CLEC4A: variants seen among roughly 807,000 people sequenced by gnomAD.
CLEC4A encodes the protein C-type lectin domain family 4 member A, also known as C-type (calcium dependent, carbohydrate-recognition domain) lectin, superfamily member 6.
Under a neutral mutation model 32.7 loss-of-function variants are expected in CLEC4A, and 27 were observed. The ratio of observed to expected loss-of-function variants is 0.83; its 90% CI spans 0.61 to 1.14. The LOEUF (loss-of-function observed/expected upper bound fraction) is 1.14, where lower values mean the gene tolerates loss of function less well. Among genes scored for constraint, CLEC4A ranks in the 50% most tolerant of loss-of-function variants. CLEC4A has a pLI of 0.00. For missense variants in CLEC4A, 253 were observed against 274.6 expected, an observed-to-expected ratio of 0.92 and a Z score of 0.55; for synonymous variants, 89 against 93.7, an observed-to-expected ratio of 0.95 and a Z score of 0.29.
At chr12:8,135,509 T>A in intron 3 of CLEC4A, 76 bp from the exon 4 acceptor site, 1 of 1,486,466 alleles carries the variant, frequency 6.7e-7, no homozygotes, top group Non-Finnish European at 9.2e-7. Flanking sequence ...CTCTCTTGGC[T>A]CTTAATTTTA....
chr12:8,103,050 C>T, the CLEC4A span, among the ~76,000 whole-genome samples: 1 of 152,074 alleles, frequency 6.6e-6, no homozygotes, highest in African/African-American at 2.4e-5. Context: ...TAGCTCAACT[C>T]CCCTTAATTA....
intron 5 of CLEC4A, 57 bp from the exon 6 acceptor site, chr12:8,138,083 T>A: frequency 6.4e-7 from 1 of 1,570,492 alleles, no homozygotes; most frequent in Non-Finnish European, 8.6e-7. Context: ...CCCCTGTCTC[T>A]AACCCTTTTC....
At chr12:8,117,059 G>T in the CLEC4A span, among the ~76,000 whole-genome samples, 1 of 152,046 alleles carries the variant, frequency 6.6e-6, no homozygotes, top group Non-Finnish European at 1.5e-5. Flanking sequence ...AAGCAATAAA[G>T]AATTCTTTTA....
At chr12:8,127,916 G>T (rs773024775) in intron 2 of CLEC4A, among the ~76,000 whole-genome samples, 1 of 152,264 alleles carries the variant, frequency 6.6e-6, no homozygotes, top group Admixed American at 6.5e-5. Flanking sequence ...TAAGTTTTGG[G>T]CATGTTGAGT....
At chr12:8,121,518 A>G, upstream of CLEC4A, 1 of 152,742 alleles carries the variant, frequency 6.5e-6, no homozygotes, top group East Asian at 1.9e-4. Context: ...GAGCTTTAGC[A>G]GGGTGAGAAG....
chr12:8,112,839 A>G, the CLEC4A span, among the ~76,000 whole-genome samples: 6 of 152,350 alleles, frequency 3.9e-5, no homozygotes, highest in Admixed American at 2.0e-4. Flanking sequence ...CATAGATAAT[A>G]TAAGTTGGTA....
intron 3 of CLEC4A, among the ~76,000 whole-genome samples, chr12:8,132,588 G>A (rs1948017436): frequency 6.6e-6 from 1 of 152,170 alleles, no homozygotes; most frequent in Non-Finnish European, 1.5e-5. Context: ...ATGTTCCAGA[G>A]GCACTGGAAA....
At chr12:8,118,204 T>G in the CLEC4A span, among the ~76,000 whole-genome samples, 1 of 152,234 alleles carries the variant, frequency 6.6e-6, no homozygotes, top group Non-Finnish European at 1.5e-5. Flanking sequence ...TGCATTCATC[T>G]GGGAGTAGAC....
At position 8,133,814 on chromosome 12, in the gene CLEC4A, G is replaced by T. The variant is rs1948041732; in HGVS notation, c.299-1771G>T. On this transcript the variant is annotated intron_variant, in intron 3 of 5. Transcript: ENST00000229332. Reference sequence around the variant, plus strand: ...AGAGCCCAGAGTGGTGACGGAGACAGGGGGAAAGGCTTCCCCCTCAGGGAA... The same window carrying T: ...AGAGCCCAGAGTGGTGACGGAGACATGGGGAAAGGCTTCCCCCTCAGGGAA... 7.6e-6 allele frequency: 12 copies of T among 1,586,304 alleles called. No homozygotes were observed. The Middle Eastern group carries it at 1.8e-3, about 243-fold the overall frequency.
At chr12:8,108,208 T>C in the CLEC4A span, among the ~76,000 whole-genome samples, 1 of 152,152 alleles carries the variant, frequency 6.6e-6, no homozygotes, top group Non-Finnish European at 1.5e-5. Flanking sequence ...GTGAAGAAAA[T>C]CTCATTTTTG....
intron 3 of CLEC4A, chr12:8,134,665 A>C: frequency 1.3e-6 from 2 of 1,587,950 alleles, no homozygotes; most frequent in African/African-American, 1.3e-5. Flanking sequence ...GGCGGGGGAC[A>C]TGGGGGAATC....
chr12:8,129,338 G>C lies in CLEC4A; in HGVS notation c.274G>C (p.Val92Leu). 1 of 1,608,180 alleles carries C rather than the reference G, an allele frequency of 6.2e-7. No homozygotes were observed. The highest frequency in any genetic ancestry group is 1.1e-5 in the South Asian group (1 of 89,866). Residue 92 changes from valine (V) to leucine (L), a missense_variant, in exon 3 of 6, where the codon GTG becomes CTG. Transcript: ENST00000229332. ...KELVHTTLEC[V>L]KKNMPVEETA... Reference sequence around the variant, plus strand: ...GCTGGTTCATACAACATTGGAGTGTGTGAAAAAAAATATGCCCGTGGAAGG... The same window carrying C: ...GCTGGTTCATACAACATTGGAGTGTCTGAAAAAAAATATGCCCGTGGAAGG...
At chr12:8,134,000 C>T in intron 3 of CLEC4A, 1 of 1,606,760 alleles carries the variant, frequency 6.2e-7, no homozygotes, top group Non-Finnish European at 8.5e-7. Flanking sequence ...TGATCGCTTG[C>T]CCTTCTGGCG....
rs796945122 is a variant in CLEC4A, at chr12:8,124,045, G to A, written c.82+85G>A. On this transcript the variant is annotated intron_variant, in intron 1 of 5. Coordinates refer to ENST00000229332, the MANE Select transcript of CLEC4A (RefSeq NM_016184.4). Reference sequence around the variant, plus strand: ...TATGAATAAGGCATAGGTGTTTTCAGTTGCTGGTTGTCTGATTGAGTATGT... The same window carrying A: ...TATGAATAAGGCATAGGTGTTTTCAATTGCTGGTTGTCTGATTGAGTATGT... 2.0e-5 allele frequency: 18 copies of A among 887,028 alleles called. No homozygotes were observed. The African/African-American group carries it at 3.0e-4, about 15-fold the overall frequency. 54.9% of individuals were successfully genotyped at this position (887,028 alleles called of 1,614,324 possible). A position where few individuals can be genotyped will look rare whatever the true frequency, so the allele number is the denominator to read the frequency against.
At chr12:8,136,652 G>T in intron 4 of CLEC4A, 136 bp from the exon 5 acceptor site, 1 of 554,980 alleles carries the variant, frequency 1.8e-6, no homozygotes, top group Non-Finnish European at 3.3e-6. Flanking sequence ...CTCAGCCAGA[G>T]ATCCCCATTC....
upstream of CLEC4A, chr12:8,121,166 T>G (rs1407955566): frequency 6.6e-6 from 1 of 152,232 alleles, no homozygotes; most frequent in African/African-American, 2.4e-5. Context: ...TTGTTGGTGA[T>G]ACGGTGTAAT....
chr12:8,137,488 C>A (rs1418841157), intron 5 of CLEC4A, among the ~76,000 whole-genome samples: 1 of 152,082 alleles, frequency 6.6e-6, no homozygotes, highest in Non-Finnish European at 1.5e-5. Context: ...ATGCTAAATT[C>A]TGATAATCTT....
At position 8,123,708 on chromosome 12, in the gene CLEC4A, G is replaced by C; in HGVS notation, c.-171G>C. ...TTTTTAGTTTTTATTGTGGTTCTTA[G>C]TTCTCATGAGACCCCTCTTGAGGAT... On this transcript the variant is annotated 5_prime_UTR_variant, in exon 1 of 6. Coordinates refer to ENST00000229332, the MANE Select transcript of CLEC4A (RefSeq NM_016184.4). 1.7e-6 allele frequency: 1 copy of C among 584,102 alleles called. No homozygotes were observed. Among genetic ancestry groups the C allele is most frequent in the Non-Finnish European group, 3.0e-6 (1 of 328,580 alleles). The allele number at this position is 584,102 out of a possible 1,614,324, so 36.2% of individuals were successfully genotyped here. A position where few individuals can be genotyped will look rare whatever the true frequency, so the allele number is the denominator to read the frequency against.
At chr12:8,124,154 G>T (rs919275773) in intron 1 of CLEC4A, among the ~76,000 whole-genome samples, 194 bp downstream of exon 1, 11 of 152,142 alleles carry the variant, frequency 7.2e-5, no homozygotes, top group Admixed American at 1.3e-4. Flanking sequence ...GAGAAGAAAA[G>T]ATTTTGTGCC....
Sources: allele counts gnomAD v4.1 joint callset (sites outside exome capture counted in the v4.1 genomes callset), GRCh38; gene constraint gnomAD v4.1.1; transcripts MANE v1.5; gene names NCBI Gene and HGNC (gene_info 2026-07-23, HGNC 2026-07-21).